The following FAM107A variants were observed in gnomAD, a reference collection of about 807,000 sequenced individuals.
The protein encoded by FAM107A is actin-associated protein FAM107A.
Under a neutral mutation model 13.7 loss-of-function variants are expected in FAM107A, and 19 were observed. The observed-to-expected ratio is 1.38, with a 90% CI of 0.97 to 2.03. The LOEUF is 2.03. Among genes scored for constraint, FAM107A ranks in the 30% most tolerant of loss-of-function variants. The pLI is 0.00. For missense variants in FAM107A, 203 were observed against 184.4 expected (o/e 1.10, Z -0.58); for synonymous variants, 82 against 74.5 (o/e 1.10, Z -0.52).
In FAM107A at chr3:58,620,189, A is replaced by G. The variant is rs143159832; in HGVS notation, c.-70+7227T>C. 7.9e-5 allele frequency among the ~76,000 whole-genome samples: 12 copies of G among 152,328 alleles called. No individual in the cohort carries two copies. In the East Asian group the frequency reaches 2.3e-3, roughly 29 times the overall value. ...ATCACAGAACTATACATGAAATCACAGAGTGGTCAGCGTGGAGGAGAGACC... is the reference window on the plus strand; with the variant it reads ...ATCACAGAACTATACATGAAATCACGGAGTGGTCAGCGTGGAGGAGAGACC... On this transcript the variant is annotated intron_variant, in intron 1 of 3. Transcript: ENST00000465970.
Position 58,577,209 on chromosome 3 carries a change from A to G in FAM107A, c.-6+100T>C. 2.2e-6 allele frequency: 1 copy of G among 451,814 alleles called. No homozygotes were observed. Among genetic ancestry groups the G allele is most frequent in the Non-Finnish European group, 2.9e-6 (1 of 342,172 alleles). The allele number at this position is 451,814 out of a possible 1,614,324, so 28.0% of individuals were successfully genotyped here. A position where few individuals can be genotyped will look rare whatever the true frequency, so the allele number is the denominator to read the frequency against. ...ACTCAAAGCACTCAGGTCCACTGAC[A>G]GCCCACTTCAGTGTACCGGGTCTGC... is the stretch of plus-strand genomic sequence containing the variant. On this transcript the variant is annotated intron_variant, in intron 1 of 3. Transcript: ENST00000360997. The surrounding 1 kb of genome is among the most constrained non-coding windows in gnomAD (Gnocchi z 4.9).
At chr3:58,586,295 A>G (rs2065605041) in intron 1 of FAM107A, among the ~76,000 whole-genome samples, 1 of 152,188 alleles carries the variant, frequency 6.6e-6, no homozygotes, top group African/African-American at 2.4e-5. Flanking sequence ...ACCTCACAGG[A>G]CTTCTGTGGT....
chr3:58,582,670 T>C (rs75178959), upstream of FAM107A, among the ~76,000 whole-genome samples: 23 of 152,326 alleles, frequency 1.5e-4, no homozygotes, highest in East Asian at 4.4e-3. Flanking sequence ...CTCCCTAAAA[T>C]GGGGCAGACG....
intron 1 of FAM107A, among the ~76,000 whole-genome samples, chr3:58,576,665 G>A (rs1029296584): frequency 6.6e-6 from 1 of 152,216 alleles, no homozygotes; most frequent in African/African-American, 2.4e-5. Context: ...TCTCAGACTT[G>A]CCTTGTATTG....
chr3:58,606,825 C>T (rs2065799240), intron 1 of FAM107A, among the ~76,000 whole-genome samples: 1 of 152,218 alleles, frequency 6.6e-6, no homozygotes, highest in African/African-American at 2.4e-5. Flanking sequence ...CCCCCACCCC[C>T]AATACCTATT....
intron 1 of FAM107A, among the ~76,000 whole-genome samples, chr3:58,625,466 GCTC>G (rs1160642690): frequency 6.6e-6 from 1 of 152,182 alleles, no homozygotes; most frequent in African/African-American, 2.4e-5. Context: ...GGGTTTTCGT[GCTC>G]CCTGCTTCAC....
At chr3:58,598,504 C>T (rs1369831215) in intron 1 of FAM107A, among the ~76,000 whole-genome samples, 2 of 152,206 alleles carry the variant, frequency 1.3e-5, no homozygotes, top group Non-Finnish European at 2.9e-5. Flanking sequence ...CCACCCACCC[C>T]CCAGCAGGCA....
At chr3:58,589,323 G>T, upstream of FAM107A, 1 of 1,198,076 alleles carries the variant, frequency 8.3e-7, no homozygotes, top group Non-Finnish European at 1.2e-6. Context: ...CTTTGGCTGA[G>T]GGAGGGGTGA....
chr3:58,580,688 A>T (rs1575444856), upstream of FAM107A, among the ~76,000 whole-genome samples: 1 of 152,222 alleles, frequency 6.6e-6, no homozygotes, highest in South Asian at 2.1e-4. Context: ...TGCTAGGATC[A>T]CAGGAATGAA....
At chr3:58,603,057 C>A (rs1352856997) in intron 1 of FAM107A, among the ~76,000 whole-genome samples, 1 of 152,134 alleles carries the variant, frequency 6.6e-6, no homozygotes, top group African/African-American at 2.4e-5. Context: ...TAGTTCTCTG[C>A]ATTTCTTGAG....
At position 58,566,555 on chromosome 3, in the gene FAM107A, G is replaced by A. The variant is rs766438476; in HGVS notation, c.*33C>T. 17 of 1,513,472 alleles carry A rather than the reference G, an allele frequency of 1.1e-5. No homozygotes were observed. Among genetic ancestry groups the A allele is most frequent in the Non-Finnish European group, 1.4e-5 (15 of 1,089,980 alleles). The allele number at this position is 1,513,472 out of a possible 1,614,324, so 93.8% of individuals were successfully genotyped here. On this transcript the variant is annotated 3_prime_UTR_variant, in exon 4 of 4. Coordinates refer to ENST00000360997, the MANE Select transcript of FAM107A (RefSeq NM_001076778.3). ...GGGCTGAAGGAGGCTGTCCAGGCCA[G>A]GGTGGGCAGTGGCCTGAGCCCGGCA...
Position 58,604,735 on chromosome 3 carries a change from T to G in FAM107A, c.-69-15466A>C, listed in dbSNP as rs2108073292. Among the ~76,000 whole-genome samples the G allele has an allele frequency of 6.6e-6, 1 of 152,356 alleles. No individual in the cohort carries two copies. Among genetic ancestry groups the G allele is most frequent in the Admixed American group, 6.5e-5 (1 of 15,308 alleles). Reference sequence around the variant, plus strand: ...ATCTACTATGTGCTAAACACTGGACTAGGTGCTTCAGGGTCTTCATCTACT... The same window carrying G: ...ATCTACTATGTGCTAAACACTGGACGAGGTGCTTCAGGGTCTTCATCTACT... On this transcript the variant is annotated intron_variant, in intron 1 of 3. Coordinates refer to the FAM107A transcript ENST00000465970. This position sits in a 1 kb window ranked among gnomAD's most constrained non-coding sequence, Gnocchi z 4.1.
At position 58,567,321 on chromosome 3, in the gene FAM107A, C is replaced by CT. The variant is rs756006650; in HGVS notation, c.213dup (p.Glu72ArgfsTer26). The CT allele has an allele frequency of 3.1e-6, 5 of 1,612,192 alleles. No individual in the cohort carries two copies. The highest frequency in any genetic ancestry group is 4.2e-6 in the Non-Finnish European group (5 of 1,179,494). On this transcript the variant is annotated frameshift_variant, in exon 3 of 4. Transcript: ENST00000360997. LOFTEE classifies it high-confidence loss of function. Reference sequence around the variant, plus strand: ...ATGAGCTGGTTCCGCCGGCGGTGCTCTAGGACACGCTGCAGCTCTGGCTTG... The same window carrying CT: ...ATGAGCTGGTTCCGCCGGCGGTGCTCTTAGGACACGCTGCAGCTCTGGCTTG...
intron 1 of FAM107A, among the ~76,000 whole-genome samples, chr3:58,625,427 C>G (rs1575461279): frequency 6.6e-6 from 1 of 152,188 alleles, no homozygotes; most frequent in South Asian, 2.1e-4. Flanking sequence ...TGGAGCGGTT[C>G]TAGCCAGTCT....
intron 1 of FAM107A, among the ~76,000 whole-genome samples, chr3:58,596,619 C>CA (rs1242202615): frequency 2.7e-5 from 4 of 150,466 alleles, no homozygotes; most frequent in African/African-American, 9.8e-5. Context: ...GTGGAGGTTG[C>CA]AGTGAGCCCA....
At chr3:58,615,871 C>T (rs1483666976) in intron 1 of FAM107A, among the ~76,000 whole-genome samples, 4 of 137,958 alleles carry the variant, frequency 2.9e-5, no homozygotes, top group Non-Finnish European at 6.0e-5. Flanking sequence ...ACCACTCCAG[C>T]CTGGGTGACA....
chr3:58,620,900 G>T (rs1004717361), intron 1 of FAM107A, among the ~76,000 whole-genome samples: 2 of 152,164 alleles, frequency 1.3e-5, no homozygotes, highest in African/African-American at 4.8e-5. Context: ...AGGTCACTCT[G>T]CCTGTCTTCA....
At chr3:58,619,962 T>C (rs1470105409) in intron 1 of FAM107A, among the ~76,000 whole-genome samples, 1 of 152,058 alleles carries the variant, frequency 6.6e-6, no homozygotes, top group African/African-American at 2.4e-5. Flanking sequence ...TGGGGGAAAC[T>C]GAGGGATTCA....
chr3:58,626,908 C>G, intron 1 of FAM107A: 1 of 1,506,424 alleles, frequency 6.6e-7, no homozygotes, highest in Non-Finnish European at 8.9e-7. Flanking sequence ...GGGGCTCCCA[C>G]TTGCTAGGTC....
Sources: allele counts gnomAD v4.1 joint callset (sites outside exome capture counted in the v4.1 genomes callset), GRCh38; gene constraint gnomAD v4.1.1; non-coding constraint Gnocchi (gnomAD v3.1); transcripts MANE v1.5; gene names NCBI Gene and HGNC (gene_info 2026-07-23, HGNC 2026-07-21).